Variants in RAPGEF2 observed in about 807,000 individuals in gnomAD.
RAPGEF2 encodes Rap guanine nucleotide exchange factor 2, also known as PDZ domain containing guanine nucleotide exchange factor (GEF) 1.
In RAPGEF2, 54 loss-of-function variants were observed where a neutral mutation model predicts 186.7. The observed-to-expected ratio is 0.29, with a 90% CI of 0.23 to 0.36. The LOEUF is 0.36. Among genes scored for constraint, RAPGEF2 ranks in the 10% least tolerant of loss-of-function variants. The pLI, the probability that RAPGEF2 is intolerant of heterozygous loss-of-function variation, is 1.00. For synonymous variants in RAPGEF2, 712 were observed against 705.9 expected, an observed-to-expected ratio of 1.01 and a Z score of -0.14; for missense variants, 1,532 against 2,045.0, an observed-to-expected ratio of 0.75 and a Z score of 4.84.
intron 7 of RAPGEF2, among the ~76,000 whole-genome samples, chr4:159,300,098 T>C (rs1239028095): frequency 6.6e-6 from 1 of 151,434 alleles, no homozygotes; most frequent in Non-Finnish European, 1.5e-5. Flanking sequence ...TATTATAAAG[T>C]ATTAAAAGTG....
chr4:159,177,285 A>G (rs1243851836), intron 1 of RAPGEF2, among the ~76,000 whole-genome samples: 1 of 151,432 alleles, frequency 6.6e-6, no homozygotes, highest in African/African-American at 2.4e-5. Context: ...TCTGATATAT[A>G]TAGTGTCTCA....
chr4:159,189,426 C>T (rs1374376809), intron 2 of RAPGEF2, among the ~76,000 whole-genome samples: 2 of 152,024 alleles, frequency 1.3e-5, no homozygotes, highest in Non-Finnish European at 2.9e-5. Flanking sequence ...ATGTTTTATC[C>T]GTTTAGTTTA....
intron 4 of RAPGEF2, among the ~76,000 whole-genome samples, chr4:159,222,313 G>A (rs1426936730): frequency 6.6e-6 from 1 of 152,182 alleles, no homozygotes; most frequent in Non-Finnish European, 1.5e-5. Context: ...TCTTAACACA[G>A]TAAGTAGCCG....
chr4:159,280,576 A>G (rs1310600585), intron 7 of RAPGEF2, among the ~76,000 whole-genome samples: 1 of 152,164 alleles, frequency 6.6e-6, no homozygotes, highest in Non-Finnish European at 1.5e-5. Context: ...AGGTATATAC[A>G]TTACTCCTTT....
At chr4:159,313,401 G>A (rs548644300) in intron 8 of RAPGEF2, among the ~76,000 whole-genome samples, 1 of 152,212 alleles carries the variant, frequency 6.6e-6, no homozygotes, top group Admixed American at 6.5e-5. Flanking sequence ...AATAATAAAA[G>A]TTAATAATGG....
At chr4:159,219,039 A>T (rs1210024295) in intron 4 of RAPGEF2, among the ~76,000 whole-genome samples, 1 of 152,198 alleles carries the variant, frequency 6.6e-6, no homozygotes, top group Non-Finnish European at 1.5e-5. Context: ...GTATAACTGA[A>T]TCTACAACTG....
chr4:159,260,346 G>A (rs1255626201), intron 7 of RAPGEF2, among the ~76,000 whole-genome samples: 1 of 151,396 alleles, frequency 6.6e-6, no homozygotes, highest in African/African-American at 2.4e-5. Context: ...AAAACAGAAA[G>A]ACAAAAATCT....
chr4:159,169,104 C>G lies in RAPGEF2; in HGVS notation c.70-17538C>G, dbSNP rs150441919. On this transcript the variant is annotated intron_variant, in intron 1 of 29. Transcript: ENST00000691494. ...TCCCAGCACAGTGCTTTGCACAGAG[C>G]AAGTATTCAATACTTTGAATTGACC... Among the ~76,000 whole-genome samples, 426 of 152,194 alleles carry G rather than the reference C, an allele frequency of 2.8e-3. 3 individuals are homozygous for G. Among genetic ancestry groups the G allele is most frequent in the African/African-American group, 9.7e-3 (402 of 41,512 alleles).
chr4:159,125,421 T>G (rs759333909), intron 1 of RAPGEF2, among the ~76,000 whole-genome samples: 4 of 152,160 alleles, frequency 2.6e-5, no homozygotes, highest in Admixed American at 6.5e-5. Context: ...CTATGGAGTT[T>G]TTTTGAGTAG....
intron 7 of RAPGEF2, among the ~76,000 whole-genome samples, chr4:159,279,561 C>T (rs187660200): frequency 1.3e-3 from 195 of 152,290 alleles, no homozygotes; most frequent in African/African-American, 4.5e-3. Context: ...ACCTTGATCT[C>T]AATGGAAATA....
At chr4:159,279,305 C>T (rs192606694) in intron 7 of RAPGEF2, among the ~76,000 whole-genome samples, 14 of 152,308 alleles carry the variant, frequency 9.2e-5, no homozygotes, top group East Asian at 5.8e-4. Context: ...CAGATGCATG[C>T]GCACGCACAG....
chr4:159,164,930 G>A (rs1041618996), intron 1 of RAPGEF2, among the ~76,000 whole-genome samples: 10 of 152,090 alleles, frequency 6.6e-5, no homozygotes, highest in Non-Finnish European at 1.5e-4. Context: ...AAGCACACAG[G>A]ATGGTATAAA....
chr4:159,146,734 T>G (rs1478859740), intron 1 of RAPGEF2, among the ~76,000 whole-genome samples: 1 of 152,210 alleles, frequency 6.6e-6, no homozygotes, highest in Non-Finnish European at 1.5e-5. Context: ...GATGCTTCAC[T>G]GCCTATTGTG....
intron 20 of RAPGEF2, among the ~76,000 whole-genome samples, chr4:159,342,570 T>C (rs1328660137): frequency 7.2e-6 from 1 of 139,282 alleles, no homozygotes. Flanking sequence ...TATTTTATTT[T>C]ATTTTATTTT....
In RAPGEF2 at chr4:159,104,077, C is replaced by G. The variant is rs1579189427; in HGVS notation, c.-86C>G. Reference sequence around the variant, plus strand: ...GTCGCGGGCGGGCGGGCGGGCGCAGCGCGCAGGGCGGAGGCAGCAGCGGCG... The same window carrying G: ...GTCGCGGGCGGGCGGGCGGGCGCAGGGCGCAGGGCGGAGGCAGCAGCGGCG... On this transcript the variant is annotated 5_prime_UTR_variant, in exon 1 of 30. Transcript: ENST00000691494. 1 of 797,080 alleles carries G rather than the reference C, an allele frequency of 1.3e-6. No individual in the cohort carries two copies. Among genetic ancestry groups the G allele is most frequent in the African/African-American group, 1.9e-5 (1 of 53,936 alleles). The allele number at this position is 797,080 out of a possible 1,614,324, so 49.4% of individuals were successfully genotyped here.
Position 159,238,854 on chromosome 4 carries a change from C to T in RAPGEF2, c.327C>T (p.Cys109=), listed in dbSNP as rs770769384. The change falls in exon 5 of 30, where the codon TGC becomes TGT. Residue 109 remains cysteine, a synonymous_variant. Coordinates refer to ENST00000691494, the MANE Select transcript of RAPGEF2 (RefSeq NM_001394067.2). The part of the protein sequence containing the change: ...SAGSFRRGCE[C]IVLEPSEMIV... Reference sequence around the variant, plus strand: ...GAAGTTTTAGGCGTGGCTGTGAATGCATTGTTTTAGAGCCTTCTGAAATGA... The same window carrying T: ...GAAGTTTTAGGCGTGGCTGTGAATGTATTGTTTTAGAGCCTTCTGAAATGA... 3.0e-5 allele frequency: 45 copies of T among 1,524,644 alleles called. No individual in the cohort carries two copies. Among genetic ancestry groups the T allele is most frequent in the Non-Finnish European group, 3.8e-5 (44 of 1,143,558 alleles). The allele number at this position is 1,524,644 out of a possible 1,614,324, so 94.4% of individuals were successfully genotyped here.
At chr4:159,168,746 A>T (rs189321394) in intron 1 of RAPGEF2, among the ~76,000 whole-genome samples, 1 of 152,204 alleles carries the variant, frequency 6.6e-6, no homozygotes, top group Non-Finnish European at 1.5e-5. Flanking sequence ...GGTACTCAGT[A>T]ACAGTTTTCC....
intron 1 of RAPGEF2, among the ~76,000 whole-genome samples, chr4:159,157,226 A>T (rs1353587517): frequency 6.6e-6 from 1 of 152,198 alleles, no homozygotes; most frequent in African/African-American, 2.4e-5. Flanking sequence ...TGAAGTTAGG[A>T]CTGCAGCTTT....
chr4:159,165,040 C>T (rs943449151), intron 1 of RAPGEF2, among the ~76,000 whole-genome samples: 1 of 151,950 alleles, frequency 6.6e-6, no homozygotes, highest in African/African-American at 2.4e-5. Context: ...ACACAAAGAG[C>T]CTTCTATGTT....
Sources: gnomAD v4.1 joint callset for allele counts (sites outside exome capture counted in the v4.1 genomes callset) on GRCh38, gnomAD v4.1.1 for gene constraint, MANE v1.5 for transcripts, NCBI Gene and HGNC (gene_info 2026-07-23, HGNC 2026-07-21) for gene names.